VWA8: variants seen among roughly 807,000 people sequenced by gnomAD.
The protein encoded by VWA8 is von Willebrand factor A domain containing 8, also known as von Willebrand factor A domain-containing protein 8.
In VWA8, 221 loss-of-function variants were observed where a neutral mutation model predicts 241.5. The observed-to-expected ratio is 0.91, with a 90% CI of 0.82 to 1.02. VWA8 has a LOEUF of 1.02. Ranked by LOEUF, VWA8 falls within the 50% of genes least tolerant of loss-of-function variation. The pLI is 0.00. For synonymous variants in VWA8, 852 were observed against 827.1 expected (o/e 1.03, Z -0.52); for missense variants, 2,322 against 2,328.7 (o/e 1.00, Z 0.06).
chr13:41,609,088 C>T (rs1345679740), intron 39 of VWA8, among the ~76,000 whole-genome samples: 2 of 152,134 alleles, frequency 1.3e-5, no homozygotes, highest in African/African-American at 2.4e-5. Context: ...TGAAGGTTTG[C>T]TACATACCAG....
At chr13:41,589,856 C>T (rs139103980) in intron 41 of VWA8, among the ~76,000 whole-genome samples, 5 of 151,956 alleles carry the variant, frequency 3.3e-5, no homozygotes, top group Admixed American at 6.5e-5. Context: ...TTACTACCCC[C>T]GTAAAATCAT....
Position 41,690,151 on chromosome 13 carries a change from T to C in VWA8, c.3976+15A>G, listed in dbSNP as rs573345843. On this transcript the variant is annotated intron_variant, in intron 33 of 44. Transcript: ENST00000379310. ...GCACTCACACAGCCATAAACACAGA[T>C]GACATAGTATTTACCTTGTGTAACT... 3.7e-6 allele frequency: 6 copies of C among 1,602,972 alleles called. No homozygotes were observed. The East Asian group carries it at 6.7e-5, about 18-fold the overall frequency.
chr13:41,903,162 A>C (rs1451877449), intron 4 of VWA8, among the ~76,000 whole-genome samples: 3 of 152,228 alleles, frequency 2.0e-5, no homozygotes, highest in African/African-American at 4.8e-5. Flanking sequence ...ATCTATCTAG[A>C]ATTCAAATGG....
At chr13:41,611,482 G>T in intron 39 of VWA8, 94 bp downstream of exon 39, 2 of 1,474,716 alleles carry the variant, frequency 1.4e-6, no homozygotes, top group South Asian at 1.5e-5. Context: ...ATGAGGTGGA[G>T]GTGGAAACAC....
chr13:41,567,967 T>C lies in VWA8; in HGVS notation c.*230A>G. 7.0e-6 allele frequency: 3 copies of C among 430,490 alleles called. No homozygotes were observed. The highest frequency in any genetic ancestry group is 1.2e-5 in the Non-Finnish European group (3 of 244,004). The allele number at this position is 430,490 out of a possible 1,614,324, so 26.7% of individuals were successfully genotyped here. On this transcript the variant is annotated 3_prime_UTR_variant, in exon 45 of 45. Coordinates refer to ENST00000379310, the MANE Select transcript of VWA8 (RefSeq NM_015058.2). ...TTGATAAAGTGCAGGTCAACTAGCT[T>C]GCCCTAATCACTTCTAAACTCATCA...
At chr13:41,583,354 C>T (rs2044395548) in intron 42 of VWA8, among the ~76,000 whole-genome samples, 1 of 152,044 alleles carries the variant, frequency 6.6e-6, no homozygotes, top group South Asian at 2.1e-4. Flanking sequence ...GTATAACAAA[C>T]AGCCTAGGGC....
At chr13:41,863,443 ATATATATATATT>A (rs1873128532) in intron 12 of VWA8, among the ~76,000 whole-genome samples, 1 of 110,846 alleles carries the variant, frequency 9.0e-6, no homozygotes, top group Admixed American at 9.5e-5. Flanking sequence ...GTATATATAT[ATATATATATATT>A]CACACACACA....
rs79271500 is a variant in VWA8, at chr13:41,764,821, A to G, written c.2350-3617T>C. 4.7e-3 allele frequency among the ~76,000 whole-genome samples: 722 copies of G among 152,156 alleles called. 2 individuals carry two copies. Among genetic ancestry groups the G allele is most frequent in the African/African-American group, 0.016 (666 of 41,522 alleles). On this transcript the variant is annotated intron_variant, in intron 20 of 44. Coordinates refer to ENST00000379310, the MANE Select transcript of VWA8 (RefSeq NM_015058.2). ...CTGGAAACCACTTAAAAGAGTTAGAACTGTTTCCTCAAAGCACCAAGAAGC... is the reference window on the plus strand; with the variant it reads ...CTGGAAACCACTTAAAAGAGTTAGAGCTGTTTCCTCAAAGCACCAAGAAGC...
chr13:41,784,761 T>C lies in VWA8; in HGVS notation c.2171-860A>G, dbSNP rs1388462020. On this transcript the variant is annotated intron_variant, in intron 18 of 44. Coordinates refer to ENST00000379310, the MANE Select transcript of VWA8 (RefSeq NM_015058.2). The stretch of plus-strand genomic sequence containing the variant: ...ACATATATATATATATATATATATA[T>C]ACACACACACACACTAAAACATAAC... Among the ~76,000 whole-genome samples, 190 of 78,486 alleles carry C rather than the reference T, an allele frequency of 2.4e-3. 5 individuals carry two copies. The highest frequency in any genetic ancestry group is 3.0e-3 in the Non-Finnish European group (110 of 36,550). 51.5% of individuals were successfully genotyped at this position (78,486 alleles called of 152,430 possible). A position where few individuals can be genotyped will look rare whatever the true frequency, so the allele number is the denominator to read the frequency against.
intron 19 of VWA8, among the ~76,000 whole-genome samples, chr13:41,780,149 C>G (rs1868824491): frequency 6.6e-6 from 1 of 152,108 alleles, no homozygotes; most frequent in South Asian, 2.1e-4. Context: ...ACCCAGGCAC[C>G]CACCTGAGGG....
At chr13:41,786,021 C>T (rs990198604) in intron 18 of VWA8, among the ~76,000 whole-genome samples, 13 of 152,076 alleles carry the variant, frequency 8.5e-5, no homozygotes, top group African/African-American at 2.9e-4. Flanking sequence ...GAAATGCACT[C>T]AGAGAATGGT....
At chr13:41,843,038 A>T (rs1206084425) in intron 12 of VWA8, among the ~76,000 whole-genome samples, 1 of 152,228 alleles carries the variant, frequency 6.6e-6, no homozygotes, top group Non-Finnish European at 1.5e-5. Flanking sequence ...ACACTCTGTA[A>T]ATAATATCTT....
chr13:41,621,943 C>T (rs191577629), intron 37 of VWA8, among the ~76,000 whole-genome samples: 1 of 152,272 alleles, frequency 6.6e-6, no homozygotes, highest in Non-Finnish European at 1.5e-5. Flanking sequence ...AGTTTCACAC[C>T]AACCCCAAAT....
chr13:41,769,740 C>G (rs1191437388), intron 20 of VWA8, among the ~76,000 whole-genome samples: 1 of 152,116 alleles, frequency 6.6e-6, no homozygotes, highest in South Asian at 2.1e-4. Flanking sequence ...CCTTTTTGAA[C>G]TGGTCTGCTT....
intron 12 of VWA8, among the ~76,000 whole-genome samples, chr13:41,852,959 A>AT (rs888765362): frequency 4.6e-5 from 7 of 151,552 alleles, no homozygotes; most frequent in Non-Finnish European, 8.8e-5. Context: ...GAATTTTAGT[A>AT]TTTTTTTTCC....
intron 35 of VWA8, among the ~76,000 whole-genome samples, chr13:41,684,452 G>C (rs1030826395): frequency 6.6e-6 from 1 of 152,156 alleles, no homozygotes; most frequent in African/African-American, 2.4e-5. Context: ...GGGATTAGAA[G>C]ATTGTGGTGC....
chr13:41,854,767 C>A (rs1202155408), intron 12 of VWA8, among the ~76,000 whole-genome samples: 1 of 152,012 alleles, frequency 6.6e-6, no homozygotes, highest in African/African-American at 2.4e-5. Flanking sequence ...TTAAGTGATG[C>A]TGAAACAAAG....
In VWA8 at chr13:41,885,983, T is replaced by C; in HGVS notation, c.912A>G (p.Glu304=). Reference sequence around the variant, plus strand: ...AGTCTGGAAGTCCAAGAGTAGAAGATTCTTGGGAACACAGAGTTGTGGCAA... The same window carrying C: ...AGTCTGGAAGTCCAAGAGTAGAAGACTCTTGGGAACACAGAGTTGTGGCAA... The part of the protein sequence containing the change: ...LSFATTLCSQ[E]SSTLGLPDFP... The change falls in exon 8 of 45, where the codon GAA becomes GAG. Residue 304 remains glutamate (E), a synonymous_variant. Coordinates refer to ENST00000379310, the MANE Select transcript of VWA8 (RefSeq NM_015058.2). 6.2e-7 allele frequency: 1 copy of C among 1,607,724 alleles called. No individual in the cohort carries two copies. Among genetic ancestry groups the C allele is most frequent in the Non-Finnish European group, 8.5e-7 (1 of 1,178,474 alleles).
chr13:41,935,766 T>G (rs1436166925), intron 2 of VWA8, among the ~76,000 whole-genome samples: 1 of 151,706 alleles, frequency 6.6e-6, no homozygotes, highest in Non-Finnish European at 1.5e-5. Context: ...GTTCGAGGTT[T>G]TTTTTTTTTT....
Sources: gnomAD v4.1 joint callset for allele counts (sites outside exome capture counted in the v4.1 genomes callset) on GRCh38, gnomAD v4.1.1 for gene constraint, MANE v1.5 for transcripts, NCBI Gene and HGNC (gene_info 2026-07-23, HGNC 2026-07-21) for gene names.